Variants in TLK2 observed in about 807,000 individuals in gnomAD.
TLK2 encodes serine/threonine-protein kinase tousled-like 2.
Under a neutral mutation model 117.3 loss-of-function variants are expected in TLK2, and 6 were observed. That is an observed-to-expected ratio of 0.05 (90% CI 0.03 to 0.10). TLK2 has a LOEUF of 0.10. Among genes scored for constraint, TLK2 ranks in the 10% least tolerant of loss-of-function variants. The pLI is 1.00. For missense variants in TLK2, 299 were observed against 901.2 expected (o/e 0.33, Z 8.56); for synonymous variants, 257 against 316.7 (o/e 0.81, Z 2.00).
chr17:62,533,365 G>A (rs1465738538), intron 6 of TLK2, among the ~76,000 whole-genome samples: 1 of 112,722 alleles, frequency 8.9e-6, no homozygotes, highest in Non-Finnish European at 1.9e-5. Flanking sequence ...ATTCCTATAC[G>A]GGGTGTGTGT....
chr17:62,505,615 A>T (rs1221226766), intron 2 of TLK2, among the ~76,000 whole-genome samples: 1 of 151,566 alleles, frequency 6.6e-6, no homozygotes, highest in Non-Finnish European at 1.5e-5. Flanking sequence ...TTTTTGAGAC[A>T]CCATTTTAAA....
intron 6 of TLK2, among the ~76,000 whole-genome samples, chr17:62,531,588 T>C (rs2076745574): frequency 6.6e-6 from 1 of 152,212 alleles, no homozygotes; most frequent in Admixed American, 6.5e-5. Context: ...TTTTTAACTG[T>C]GTACTCCTCA....
At chr17:62,493,142 A>T (rs540577924) in intron 2 of TLK2, among the ~76,000 whole-genome samples, 1 of 152,260 alleles carries the variant, frequency 6.6e-6, no homozygotes, top group Non-Finnish European at 1.5e-5. Context: ...ATAACTCCCC[A>T]GGCCCTGGCA....
Position 62,547,470 on chromosome 17 carries a change from C to T in TLK2, c.532-4832C>T, listed in dbSNP as rs1175250422. 2.0e-5 allele frequency among the ~76,000 whole-genome samples: 3 copies of T among 151,882 alleles called. No individual in the cohort carries two copies. The South Asian group carries it at 6.2e-4, about 32-fold the overall frequency. ...ATGATCAGTTACAGCATTTTTTTCT[C>T]TAACGGATCTGAGCATTGTCACATG... is the stretch of plus-strand genomic sequence containing the variant. On this transcript the variant is annotated intron_variant, in intron 7 of 21. Coordinates refer to ENST00000346027, the MANE Select transcript of TLK2 (RefSeq NM_006852.6).
At chr17:62,516,654 C>T (rs2075618771) in intron 2 of TLK2, 2 of 1,609,958 alleles carry the variant, frequency 1.2e-6, no homozygotes, top group Non-Finnish European at 1.7e-6. Flanking sequence ...TGGGCACATT[C>T]TTGTCTGCCA....
intron 2 of TLK2, among the ~76,000 whole-genome samples, chr17:62,491,454 C>T: frequency 6.6e-6 from 1 of 152,072 alleles, no homozygotes; most frequent in Non-Finnish European, 1.5e-5. Context: ...TCCTCTCTAC[C>T]TTGTCTGGGT....
chr17:62,513,089 A>G (rs2145305784), intron 2 of TLK2, among the ~76,000 whole-genome samples: 1 of 151,506 alleles, frequency 6.6e-6, no homozygotes, highest in Admixed American at 6.6e-5. Flanking sequence ...AATGTTGGCC[A>G]GGCTGGTCTT....
At chr17:62,506,181 T>C (rs923053730) in intron 2 of TLK2, among the ~76,000 whole-genome samples, 3 of 152,244 alleles carry the variant, frequency 2.0e-5, no homozygotes, top group Admixed American at 2.0e-4. Context: ...ATTTTTGGAA[T>C]TGGCAGGTCA....
At chr17:62,514,187 A>G (rs2075379008) in intron 2 of TLK2, among the ~76,000 whole-genome samples, 1 of 151,714 alleles carries the variant, frequency 6.6e-6, no homozygotes, top group Non-Finnish European at 1.5e-5. Context: ...TCTATTGCCC[A>G]GGCTGGTGTG....
At chr17:62,474,587 A>G (rs1432920978), upstream of TLK2, among the ~76,000 whole-genome samples, 3 of 143,858 alleles carry the variant, frequency 2.1e-5, no homozygotes, top group African/African-American at 7.8e-5. Flanking sequence ...TTTTTTTTTT[A>G]TTTTTAGTAG....
At chr17:62,595,256 C>T (rs2082385251) in intron 16 of TLK2, among the ~76,000 whole-genome samples, 1 of 150,464 alleles carries the variant, frequency 6.6e-6, no homozygotes, top group Non-Finnish European at 1.5e-5. Flanking sequence ...CCTGGGATTA[C>T]AGGCATGAGC....
intron 6 of TLK2, among the ~76,000 whole-genome samples, chr17:62,534,378 CTTA>C (rs1414738028): frequency 2.0e-5 from 3 of 152,176 alleles, no homozygotes; most frequent in Non-Finnish European, 4.4e-5. Flanking sequence ...TACCGTTTAA[CTTA>C]GATCATCTTT....
At chr17:62,497,855 CA>C (rs1302968844) in intron 2 of TLK2, among the ~76,000 whole-genome samples, 3 of 152,146 alleles carry the variant, frequency 2.0e-5, no homozygotes, top group Non-Finnish European at 4.4e-5. Context: ...CCACCATGCC[CA>C]GCTAATATTT....
intron 21 of TLK2, among the ~76,000 whole-genome samples, chr17:62,611,493 T>A (rs1405584174): frequency 6.6e-6 from 1 of 152,224 alleles, no homozygotes; most frequent in Non-Finnish European, 1.5e-5. Context: ...TTATACCGCC[T>A]GCTGTACCCA....
chr17:62,601,895 G>A (rs2082901368), intron 18 of TLK2, 147 bp from the exon 19 acceptor site: 1 of 649,408 alleles, frequency 1.5e-6, no homozygotes, highest in East Asian at 2.9e-5. Context: ...TGAGTATCCA[G>A]AGTCCAGATT....
intron 2 of TLK2, among the ~76,000 whole-genome samples, chr17:62,486,053 C>G (rs2144531179): frequency 6.6e-6 from 1 of 152,128 alleles, no homozygotes; most frequent in Non-Finnish European, 1.5e-5. Flanking sequence ...ATCTCCTGAC[C>G]TCGTGATCTG....
chr17:62,487,655 C>T (rs1350532915), intron 2 of TLK2, among the ~76,000 whole-genome samples: 2 of 108,570 alleles, frequency 1.8e-5, no homozygotes, highest in African/African-American at 6.8e-5. Flanking sequence ...CGGAGTTTCA[C>T]TCTTGTTGCC....
At chr17:62,502,607 T>G (rs551779275) in intron 2 of TLK2, among the ~76,000 whole-genome samples, 9 of 152,302 alleles carry the variant, frequency 5.9e-5, no homozygotes, top group South Asian at 2.1e-4. Flanking sequence ...TATTTATTCT[T>G]TAGATGTCAT....
intron 6 of TLK2, among the ~76,000 whole-genome samples, chr17:62,532,634 A>G (rs967701539): frequency 1.3e-5 from 2 of 152,230 alleles, no homozygotes; most frequent in African/African-American, 4.8e-5. Flanking sequence ...AGTTCCCTCC[A>G]AAAGAACTGT....
Sources: allele counts gnomAD v4.1 joint callset (sites outside exome capture counted in the v4.1 genomes callset), GRCh38; gene constraint gnomAD v4.1.1; transcripts MANE v1.5; gene names NCBI Gene and HGNC (gene_info 2026-07-23, HGNC 2026-07-21).